CDH18: variants seen among roughly 807,000 people sequenced by gnomAD.
CDH18 encodes cadherin-18.
A neutral mutation model predicts 67.9 loss-of-function variants in CDH18; 31 were observed. That is an observed-to-expected ratio of 0.46 (90% confidence interval 0.34 to 0.62). The LOEUF (loss-of-function observed/expected upper bound fraction) is 0.62. Among genes scored for constraint, CDH18 ranks in the 20% least tolerant of loss-of-function variants. CDH18 has a pLI of 0.01. For synonymous variants in CDH18, 362 were observed against 347.2 expected (o/e 1.04, Z -0.48); for missense variants, 890 against 975.5 (o/e 0.91, Z 1.17).
At chr5:20,551,680 C>T (rs142360637) in intron 1 of CDH18, among the ~76,000 whole-genome samples, 134 of 152,266 alleles carry the variant, frequency 8.8e-4, no homozygotes, top group African/African-American at 3.1e-3. Context: ...TTATTTCTTT[C>T]TCAGAATCCT....
At chr5:20,002,105 A>C (rs1736493285) in intron 2 of CDH18, among the ~76,000 whole-genome samples, 1 of 152,182 alleles carries the variant, frequency 6.6e-6, no homozygotes, top group Non-Finnish European at 1.5e-5. Flanking sequence ...ACATTCCTCA[A>C]GCCAGAATTT....
chr5:20,540,202 G>C (rs1756976428), intron 1 of CDH18, among the ~76,000 whole-genome samples: 1 of 152,068 alleles, frequency 6.6e-6, no homozygotes, highest in African/African-American at 2.4e-5. Context: ...TAGCAATACA[G>C]ACATTTAAGC....
intron 2 of CDH18, among the ~76,000 whole-genome samples, chr5:19,994,829 AAT>A (rs1554078421): frequency 0.016 from 344 of 21,014 alleles, 20 homozygotes; most frequent in African/African-American, 0.052. Context: ...ATATAAAGAG[AAT>A]ATATATATAT....
chr5:20,410,061 A>G (rs1230701802), intron 1 of CDH18, among the ~76,000 whole-genome samples: 1 of 151,842 alleles, frequency 6.6e-6, no homozygotes, highest in Non-Finnish European at 1.5e-5. Context: ...AAATATTTGG[A>G]GAAGAATTAA....
chr5:19,511,267 A>T (rs1038226059), intron 10 of CDH18, among the ~76,000 whole-genome samples: 2 of 151,940 alleles, frequency 1.3e-5, no homozygotes, highest in Non-Finnish European at 1.5e-5. Flanking sequence ...AGTCAATTAA[A>T]CCTCTTTCCT....
In CDH18 at chr5:20,236,600, C is replaced by T. The variant is rs116779341; in HGVS notation, c.-518+18844G>A. Among the ~76,000 whole-genome samples, 765 of 151,940 alleles carry T rather than the reference C, an allele frequency of 5.0e-3. 7 individuals are homozygous for T. Among genetic ancestry groups the T allele is most frequent in the African/African-American group, 0.018 (737 of 41,516 alleles). On this transcript the variant is annotated intron_variant, in intron 2 of 14. Coordinates refer to the CDH18 transcript ENST00000507958. ...AATTTAAGAATTTGGATTAAATAAA[C>T]AAATTCTATGAAAGACAGAAACTAC...
intron 2 of CDH18, among the ~76,000 whole-genome samples, chr5:20,068,874 A>G (rs1743201450): frequency 6.6e-6 from 1 of 152,146 alleles, no homozygotes; most frequent in Non-Finnish European, 1.5e-5. Flanking sequence ...TATTGATTGG[A>G]TCAGTAACTT....
rs181555143 is a variant in CDH18, at chr5:19,698,907, T to G, written c.643+22440A>C. On this transcript the variant is annotated intron_variant, in intron 5 of 12. Coordinates refer to ENST00000382275, the MANE Select transcript of CDH18 (RefSeq NM_004934.5). Reference sequence around the variant, plus strand: ...CCTCAGCATAAGATATAATGATAATTTCTTGCATAAGTATTTCTTAGGATG... The same window carrying G: ...CCTCAGCATAAGATATAATGATAATGTCTTGCATAAGTATTTCTTAGGATG... Among the ~76,000 whole-genome samples the G allele has an allele frequency of 2.0e-3, 306 of 152,240 alleles. 1 individual carries two copies. Among genetic ancestry groups the G allele is most frequent in the Middle Eastern group, 0.017 (5 of 294 alleles).
chr5:20,447,298 G>T (rs898814555), intron 1 of CDH18, among the ~76,000 whole-genome samples: 6 of 151,690 alleles, frequency 4.0e-5, no homozygotes, highest in Admixed American at 3.9e-4. Context: ...TGGCCAATGT[G>T]ATGTTATTAA....
intron 2 of CDH18, among the ~76,000 whole-genome samples, chr5:20,216,831 G>A (rs1508584): frequency 0.7 from 105,642 of 151,714 alleles, 37,420 homozygotes; most frequent in African/African-American, 0.84. Context: ...TTTAATAATC[G>A]AACTCAATAT....
intron 2 of CDH18, among the ~76,000 whole-genome samples, chr5:20,108,256 A>ATTTTATTTTT (rs1554091283): frequency 1.6e-3 from 238 of 150,536 alleles, no homozygotes; most frequent in African/African-American, 5.6e-3. Flanking sequence ...ATTTTATTTT[A>ATTTTATTTTT]TTTTTTTTTA....
At chr5:20,411,631 A>G (rs1225052091) in intron 1 of CDH18, among the ~76,000 whole-genome samples, 1 of 152,002 alleles carries the variant, frequency 6.6e-6, no homozygotes, top group East Asian at 1.9e-4. Context: ...GCTTCTGCAC[A>G]GGAAAATAAA....
chr5:20,436,724 T>A (rs1191001303), intron 1 of CDH18, among the ~76,000 whole-genome samples: 1 of 151,390 alleles, frequency 6.6e-6, no homozygotes, highest in Non-Finnish European at 1.5e-5. Context: ...ACATGAAATT[T>A]TTTTGCGAAT....
At chr5:20,574,201 G>A (rs1758987637) in intron 1 of CDH18, among the ~76,000 whole-genome samples, 1 of 151,526 alleles carries the variant, frequency 6.6e-6, no homozygotes. Context: ...TCATAAAATA[G>A]TGTTTTTTTA....
chr5:19,920,552 C>T (rs376686485), intron 2 of CDH18, among the ~76,000 whole-genome samples: 15 of 141,222 alleles, frequency 1.1e-4, no homozygotes, highest in South Asian at 4.5e-4. Context: ...CTTGCCCTGT[C>T]GCCTAGTCTG....
In CDH18 at chr5:19,591,299, T is replaced by C. The variant is rs1392476627; in HGVS notation, c.812-55A>G. The C allele has an allele frequency of 8.1e-6, 10 of 1,229,616 alleles. 1 individual carries two copies. The highest frequency in any genetic ancestry group is 2.6e-5 in the Admixed American group (1 of 38,846). The allele number at this position is 1,229,616 out of a possible 1,614,324, so 76.2% of individuals were successfully genotyped here. On this transcript the variant is annotated intron_variant, in intron 6 of 12. Coordinates refer to ENST00000382275, the MANE Select transcript of CDH18 (RefSeq NM_004934.5). ...AAATACAATGTTCATGAAATAATCT[T>C]ACAAGAAAAAATAAATATTTAGAGC...
At chr5:19,768,225 TC>T (rs759388640) in intron 3 of CDH18, among the ~76,000 whole-genome samples, 4 of 152,158 alleles carry the variant, frequency 2.6e-5, no homozygotes, top group Non-Finnish European at 5.9e-5. Context: ...CAGAGGTTTT[TC>T]AGAAACAATC....
At chr5:20,540,315 A>G (rs1415950503) in intron 1 of CDH18, among the ~76,000 whole-genome samples, 1 of 151,634 alleles carries the variant, frequency 6.6e-6, no homozygotes, top group East Asian at 1.9e-4. Context: ...ATTTAGTTTT[A>G]CAAGACAGAA....
chr5:20,151,107 G>A (rs1217808784), intron 2 of CDH18, among the ~76,000 whole-genome samples: 1 of 151,808 alleles, frequency 6.6e-6, no homozygotes, highest in Non-Finnish European at 1.5e-5. Context: ...CCCAGATAGT[G>A]AGCATACCAC....
Sources: allele counts gnomAD v4.1 joint callset (sites outside exome capture counted in the v4.1 genomes callset), GRCh38; gene constraint gnomAD v4.1.1; transcripts MANE v1.5; gene names NCBI Gene and HGNC (gene_info 2026-07-23, HGNC 2026-07-21).